FANCC: variants seen among roughly 807,000 people sequenced by gnomAD.
FANCC encodes the protein FA complementation group C.
In FANCC, 55 loss-of-function variants were observed where a neutral mutation model predicts 71.3. The ratio of observed to expected loss-of-function variants is 0.77; its 90% CI spans 0.62 to 0.97. FANCC has a LOEUF of 0.97. Ranked by LOEUF, FANCC falls within the 50% of genes least tolerant of loss-of-function variation. FANCC has a pLI of 0.00. For missense variants in FANCC, 678 were observed against 670.9 expected, an observed-to-expected ratio of 1.01 and a Z score of -0.12; for synonymous variants, 275 against 244.9, an observed-to-expected ratio of 1.12 and a Z score of -1.15.
At chr9:95,140,401 A>C (rs1828458443) in intron 7 of FANCC, among the ~76,000 whole-genome samples, 1 of 152,220 alleles carries the variant, frequency 6.6e-6, no homozygotes. Context: ...CCTTTACAAA[A>C]AGAGGTAGCA....
intron 13 of FANCC, 33 bp downstream of exon 13, chr9:95,111,430 C>A (rs754515069): frequency 6.2e-7 from 1 of 1,605,012 alleles, no homozygotes; most frequent in South Asian, 1.1e-5. Context: ...CCAGAGCCCA[C>A]CCCAAACACA....
intron 7 of FANCC, among the ~76,000 whole-genome samples, chr9:95,141,637 G>T (rs1442996634): frequency 1.3e-5 from 2 of 152,174 alleles, no homozygotes; most frequent in Non-Finnish European, 2.9e-5. Context: ...GATGCTGAGG[G>T]TATTCAAAAG....
At chr9:95,294,903 T>A in intron 1 of FANCC, 1 of 1,166,794 alleles carries the variant, frequency 8.6e-7, no homozygotes, top group Non-Finnish European at 1.2e-6. Context: ...TTCGATTGAA[T>A]GTGGCTGATG....
At chr9:95,244,702 A>C (rs1462793014) in intron 3 of FANCC, among the ~76,000 whole-genome samples, 3 of 149,640 alleles carry the variant, frequency 2.0e-5, no homozygotes, top group Non-Finnish European at 4.4e-5. Context: ...AAAAAAAAAA[A>C]AAAAAAAAAA....
chr9:95,286,974 C>T (rs185885924), intron 1 of FANCC, among the ~76,000 whole-genome samples: 235 of 152,114 alleles, frequency 1.5e-3, no homozygotes, highest in Middle Eastern at 6.8e-3. Flanking sequence ...AAATAGCTTC[C>T]TCCTTAAGGG....
chr9:95,115,827 G>A (rs1039112533), intron 11 of FANCC, among the ~76,000 whole-genome samples: 3 of 152,006 alleles, frequency 2.0e-5, no homozygotes, highest in Admixed American at 6.6e-5. Context: ...TGTTTATTTC[G>A]CATTTCCTCC....
rs1389913109 is a variant in FANCC, at chr9:95,293,862, A to T, written c.-79+23664T>A. The T allele has an allele frequency of 5.0e-6, 8 of 1,610,062 alleles. No individual in the cohort carries two copies. In the African/African-American group the frequency reaches 8.0e-5, roughly 16 times the overall value. ...AAGTCCAACGGATGACCATGTACAGATGGACCAAGCTGGAATGTGCAGAGA... is the reference window on the plus strand; with the variant it reads ...AAGTCCAACGGATGACCATGTACAGTTGGACCAAGCTGGAATGTGCAGAGA... On this transcript the variant is annotated intron_variant, in intron 1 of 14. Coordinates refer to ENST00000289081, the MANE Select transcript of FANCC (RefSeq NM_000136.3).
At chr9:95,251,270 C>T (rs939012771) in intron 1 of FANCC, among the ~76,000 whole-genome samples, 2 of 152,160 alleles carry the variant, frequency 1.3e-5, no homozygotes, top group African/African-American at 4.8e-5. Context: ...AAGCTAAATG[C>T]CACAGCAAAA....
In FANCC at chr9:95,125,167, G is replaced by A. The variant is rs138132690; in HGVS notation, c.915C>T (p.Thr305=). Residue 305 remains threonine, a synonymous_variant, in exon 10 of 15, where the codon ACC becomes ACT. Transcript: ENST00000289081. ...TGGCTATGATTTCCAGGGCCCCATCGGTTTCCAGGAGTGCACACCTGAACA... is the reference window on the plus strand; with the variant it reads ...TGGCTATGATTTCCAGGGCCCCATCAGTTTCCAGGAGTGCACACCTGAACA... ...DEMFRCALLE[T]DGALEIIATI... 12 of 1,614,106 alleles carry A rather than the reference G, an allele frequency of 7.4e-6. 1 individual carries two copies. Among genetic ancestry groups the A allele is most frequent in the Admixed American group, 6.7e-5 (4 of 60,014 alleles).
intron 1 of FANCC, chr9:95,294,496 C>G (rs1834255625): frequency 1.9e-6 from 3 of 1,586,938 alleles, no homozygotes; most frequent in Non-Finnish European, 2.6e-6. Flanking sequence ...TCATCTGCCT[C>G]TGGGAAGTAT....
chr9:95,112,566 G>A (rs982033774), intron 12 of FANCC, among the ~76,000 whole-genome samples: 4 of 152,222 alleles, frequency 2.6e-5, no homozygotes, highest in South Asian at 2.1e-4. Flanking sequence ...TGGAGGCCAC[G>A]TTGGCTGTGG....
intron 4 of FANCC, among the ~76,000 whole-genome samples, chr9:95,234,586 C>A (rs1276431637): frequency 6.6e-6 from 1 of 152,200 alleles, no homozygotes; most frequent in Non-Finnish European, 1.5e-5. Flanking sequence ...AAGATACTTA[C>A]AAGGCCACAT....
At chr9:95,127,343 T>C (rs1045031460) in intron 8 of FANCC, 1 of 152,250 alleles carries the variant, frequency 6.6e-6, no homozygotes, top group East Asian at 1.9e-4. Context: ...AAACAGATCC[T>C]TTATAGCAGG....
chr9:95,217,850 G>A (rs1404136861), intron 4 of FANCC, among the ~76,000 whole-genome samples: 11 of 152,012 alleles, frequency 7.2e-5, no homozygotes, highest in African/African-American at 1.9e-4. Context: ...TTGTTAAACC[G>A]TTGCTCAGTT....
chr9:95,308,325 T>TTTTG (rs759638617), intron 1 of FANCC, among the ~76,000 whole-genome samples: 4 of 151,974 alleles, frequency 2.6e-5, no homozygotes, highest in Admixed American at 2.0e-4. Flanking sequence ...GATCACCGCT[T>TTTTG]TTTGTTTGTT....
chr9:95,300,456 CTTT>C (rs755514648), intron 1 of FANCC, among the ~76,000 whole-genome samples: 1 of 143,230 alleles, frequency 7.0e-6, no homozygotes. Context: ...AATACAATTT[CTTT>C]TTTTTTTTTT....
At chr9:95,217,653 C>T (rs1828956662) in intron 4 of FANCC, among the ~76,000 whole-genome samples, 1 of 146,204 alleles carries the variant, frequency 6.8e-6, no homozygotes, top group African/African-American at 2.4e-5. Context: ...CTTTAAGTCT[C>T]ATGGTGTAAA....
rs1465431004 is a variant in FANCC at position 95,294,585 on chromosome 9, A to C, written c.-79+22941T>G. 5.2e-6 allele frequency: 8 copies of C among 1,539,768 alleles called. No individual in the cohort carries two copies. In the African/African-American group the frequency reaches 1.1e-4, roughly 21 times the overall value. On this transcript the variant is annotated intron_variant, in intron 1 of 14. Transcript: ENST00000289081. ...AAACTGAAGGAATCTCCACTGTTAA[A>C]GATATACCTGCTCTAGAAAGCAAAG...
intron 1 of FANCC, chr9:95,292,486 G>A (rs1193315015): frequency 2.2e-6 from 3 of 1,349,624 alleles, no homozygotes; most frequent in South Asian, 1.9e-5. Flanking sequence ...AGCCGGCCGC[G>A]GCCCGCGGGG....
Sources: gnomAD v4.1 joint callset for allele counts (sites outside exome capture counted in the v4.1 genomes callset) on GRCh38, gnomAD v4.1.1 for gene constraint, MANE v1.5 for transcripts, NCBI Gene and HGNC (gene_info 2026-07-23, HGNC 2026-07-21) for gene names.